Variants in ANKH observed in about 807,000 individuals in gnomAD.
ANKH encodes mineralization regulator ANKH.
In ANKH, 15 loss-of-function variants were observed where a neutral mutation model predicts 49.0. The ratio of observed to expected loss-of-function variants is 0.31; its 90% CI spans 0.20 to 0.47. The LOEUF (loss-of-function observed/expected upper bound fraction) is 0.47, where lower values mean the gene tolerates loss of function less well. ANKH is among the 20% of genes least tolerant of loss of function. The probability of loss-of-function intolerance (pLI) is 1.00; values close to 1 mark genes in which losing one functional copy is unlikely to be tolerated. For missense variants in ANKH, 429 were observed against 652.0 expected, an observed-to-expected ratio of 0.66 and a Z score of 3.72; for synonymous variants, 273 against 260.0, an observed-to-expected ratio of 1.05 and a Z score of -0.48.
At chr5:14,838,412 TA>T (rs1741721775) in intron 1 of ANKH, among the ~76,000 whole-genome samples, 1 of 150,062 alleles carries the variant, frequency 6.7e-6, no homozygotes, top group Admixed American at 6.6e-5. Context: ...TTATATATAT[TA>T]AAAAAGTATA....
At chr5:14,732,458 G>A (rs1738035988) in intron 8 of ANKH, among the ~76,000 whole-genome samples, 1 of 152,030 alleles carries the variant, frequency 6.6e-6, no homozygotes, top group Non-Finnish European at 1.5e-5. Flanking sequence ...CAAATTTGAA[G>A]ACTATAAACT....
At chr5:14,797,459 C>T in intron 1 of ANKH, 1 of 1,611,242 alleles carries the variant, frequency 6.2e-7, no homozygotes, top group Admixed American at 1.7e-5. Context: ...CCTTATGTGA[C>T]TCAAAGGAAT....
chr5:14,741,553 A>G (rs1738354928), intron 8 of ANKH: 1 of 383,800 alleles, frequency 2.6e-6, no homozygotes, highest in Non-Finnish European at 4.8e-6. Context: ...TCAGCAAGAC[A>G]AGTGTACTAT....
intron 5 of ANKH, 104 bp downstream of exon 5, chr5:14,750,965 C>T (rs1013133127): frequency 4.8e-6 from 7 of 1,457,914 alleles, no homozygotes; most frequent in African/African-American, 2.8e-5. Flanking sequence ...TCCTGGCCAA[C>T]TTCATGTTTT....
chr5:14,750,846 T>C (rs531476856), intron 5 of ANKH, among the ~76,000 whole-genome samples: 3 of 152,318 alleles, frequency 2.0e-5, no homozygotes, highest in South Asian at 2.1e-4. Context: ...TCCTATGGGA[T>C]AAGGAGGCTG....
chr5:14,837,824 C>T (rs548627481), intron 1 of ANKH, among the ~76,000 whole-genome samples: 5 of 152,292 alleles, frequency 3.3e-5, no homozygotes, highest in South Asian at 2.1e-4. Context: ...CACATGGACA[C>T]GTATGTTTAC....
intron 8 of ANKH, among the ~76,000 whole-genome samples, chr5:14,735,974 A>AAG (rs2126456623): frequency 6.7e-6 from 1 of 150,164 alleles, no homozygotes; most frequent in Non-Finnish European, 1.5e-5. Context: ...TACAAAAAGC[A>AAG]AGGCTCAGAA....
Position 14,712,888 on chromosome 5 carries a change from CAT to C in ANKH, c.1349_1350del (p.Tyr450CysfsTer12). On this transcript the variant is annotated frameshift_variant, in exon 11 of 12. Coordinates refer to ENST00000284268, the MANE Select transcript of ANKH (RefSeq NM_054027.6). LOFTEE classifies it high-confidence loss of function. ...ESTMVAIAAC[Y>X]VYRKQKKKME... ...GGCTGTCTCACCTGCTTCCGGTAGA[CAT>C]AGCACGCAGCGATGGCGACCATGGT... is the stretch of plus-strand genomic sequence containing the variant. The C allele has an allele frequency of 3.7e-6, 6 of 1,611,270 alleles. No individual in the cohort carries two copies. The highest frequency in any genetic ancestry group is 5.1e-6 in the Non-Finnish European group (6 of 1,179,088).
chr5:14,767,137 A>C (rs188177807), intron 2 of ANKH, among the ~76,000 whole-genome samples: 4 of 152,306 alleles, frequency 2.6e-5, no homozygotes, highest in African/African-American at 7.2e-5. Flanking sequence ...CCCATCATGG[A>C]GCTTGTGGCC....
At chr5:14,835,965 A>G (rs1289535359) in intron 1 of ANKH, among the ~76,000 whole-genome samples, 1 of 152,222 alleles carries the variant, frequency 6.6e-6, no homozygotes, top group African/African-American at 2.4e-5. Context: ...GGTTCAACAT[A>G]TGCAAATCAA....
chr5:14,781,522 T>C (rs556634080), intron 1 of ANKH, among the ~76,000 whole-genome samples: 4 of 152,330 alleles, frequency 2.6e-5, no homozygotes, highest in African/African-American at 9.6e-5. Context: ...CTCCTGTTGG[T>C]GTCTTCAATA....
chr5:14,822,129 T>C (rs759500994), intron 1 of ANKH, among the ~76,000 whole-genome samples: 68 of 152,316 alleles, frequency 4.5e-4, no homozygotes, highest in Non-Finnish European at 6.9e-4. Flanking sequence ...CTGGATAACA[T>C]GTAGCTAGGA....
chr5:14,741,122 A>C (rs1362230528), intron 8 of ANKH, among the ~76,000 whole-genome samples: 1 of 152,252 alleles, frequency 6.6e-6, no homozygotes, highest in Non-Finnish European at 1.5e-5. Context: ...ACGCTCTAAA[A>C]AAACCTTAAA....
intron 1 of ANKH, among the ~76,000 whole-genome samples, chr5:14,796,897 C>T (rs1336513763): frequency 1.3e-5 from 2 of 152,144 alleles, no homozygotes; most frequent in East Asian, 3.8e-4. Context: ...ACCTGGGTTA[C>T]TAGAAAATTC....
intron 1 of ANKH, among the ~76,000 whole-genome samples, chr5:14,803,192 C>A (rs1740614122): frequency 6.6e-6 from 1 of 152,186 alleles, no homozygotes; most frequent in Non-Finnish European, 1.5e-5. Context: ...TTTGAAAGCC[C>A]CTCCTGCAAA....
At chr5:14,763,620 G>A (rs1414916871) in intron 2 of ANKH, among the ~76,000 whole-genome samples, 1 of 152,234 alleles carries the variant, frequency 6.6e-6, no homozygotes, top group African/African-American at 2.4e-5. Flanking sequence ...AAATTTTAAC[G>A]CAAGTACAAG....
At chr5:14,852,760 C>G (rs984044954) in intron 1 of ANKH, among the ~76,000 whole-genome samples, 2 of 152,174 alleles carry the variant, frequency 1.3e-5, no homozygotes, top group Admixed American at 6.5e-5. Flanking sequence ...ATGTCTTTCA[C>G]GTGCAACTGG....
chr5:14,840,743 T>A (rs980390638), intron 1 of ANKH, among the ~76,000 whole-genome samples: 1 of 152,242 alleles, frequency 6.6e-6, no homozygotes, highest in Admixed American at 6.5e-5. Context: ...AAATGAGCTC[T>A]CCCTGGCTTT....
At chr5:14,719,784 A>G (rs916382252) in intron 8 of ANKH, among the ~76,000 whole-genome samples, 2 of 152,180 alleles carry the variant, frequency 1.3e-5, no homozygotes, top group African/African-American at 4.8e-5. Flanking sequence ...AGCACTGAAG[A>G]GGTGGGCTGG....
Sources: gnomAD v4.1 joint callset for allele counts (sites outside exome capture counted in the v4.1 genomes callset) on GRCh38, gnomAD v4.1.1 for gene constraint, MANE v1.5 for transcripts, NCBI Gene and HGNC (gene_info 2026-07-23, HGNC 2026-07-21) for gene names.